The following SFRP1 variants were observed in gnomAD, a reference collection of about 807,000 sequenced individuals.
SFRP1 encodes the protein secreted frizzled-related protein 1.
In SFRP1, 9 loss-of-function variants were observed where a neutral mutation model predicts 25.9. The ratio of observed to expected loss-of-function variants is 0.35; its 90% CI spans 0.21 to 0.61. The LOEUF is 0.61. Ranked by LOEUF, SFRP1 falls within the 20% of genes least tolerant of loss-of-function variation. The pLI is 0.78. For synonymous variants in SFRP1, 178 were observed against 174.0 expected (o/e 1.02, Z -0.18); for missense variants, 346 against 418.2 (o/e 0.83, Z 1.51).
intron 2 of SFRP1, among the ~76,000 whole-genome samples, chr8:41,278,582 C>A (rs1449452902): frequency 6.6e-6 from 1 of 152,216 alleles, no homozygotes; most frequent in African/African-American, 2.4e-5. Context: ...ACAATGGGAA[C>A]ATCCCACCTC....
At position 41,263,557 on chromosome 8, in the gene SFRP1, T is replaced by C. The variant is rs1429074413; in HGVS notation, c.*1610A>G. On this transcript the variant is annotated 3_prime_UTR_variant, in exon 3 of 3. Coordinates refer to ENST00000220772, the MANE Select transcript of SFRP1 (RefSeq NM_003012.5). ...GCCTCACTGCAGCATCCTCACTGGG[T>C]ATAAGCATTGGCCCAGAGGGACAAT... 2 of 152,256 alleles carry C rather than the reference T, an allele frequency of 1.3e-5. No individual in the cohort carries two copies. The highest frequency in any genetic ancestry group is 2.4e-5 in the African/African-American group (1 of 41,472). The allele number at this position is 152,256 out of a possible 1,614,324, so 9.4% of individuals were successfully genotyped here. A position where few individuals can be genotyped will look rare whatever the true frequency, so the allele number is the denominator to read the frequency against.
chr8:41,285,769 G>A (rs1169075957), intron 2 of SFRP1, among the ~76,000 whole-genome samples: 1 of 152,192 alleles, frequency 6.6e-6, no homozygotes, highest in East Asian at 1.9e-4. Context: ...GGTGAGGCAG[G>A]GACCTAGGAC....
chr8:41,295,924 C>T (rs1349221931), intron 2 of SFRP1, among the ~76,000 whole-genome samples: 1 of 152,212 alleles, frequency 6.6e-6, no homozygotes, highest in African/African-American at 2.4e-5. Context: ...GGTTCACTTT[C>T]CTCATAACTC....
chr8:41,307,261 A>G (rs1804009669), intron 1 of SFRP1, among the ~76,000 whole-genome samples: 1 of 152,230 alleles, frequency 6.6e-6, no homozygotes, highest in Admixed American at 6.5e-5. Flanking sequence ...CTCTGAGAGC[A>G]GCGGTGCCCA....
At position 41,308,860 on chromosome 8, in the gene SFRP1, C is replaced by G. The variant is rs1804032676; in HGVS notation, c.300G>C (p.Leu100=). 1.2e-6 allele frequency: 2 copies of G among 1,610,174 alleles called. No individual in the cohort carries two copies. Among genetic ancestry groups the G allele is most frequent in the African/African-American group, 2.7e-5 (2 of 75,048 alleles). ...TGCCGGCGTGGCAGTTCTTGTTGAGCAGGGGCACCCAGCTGCTGGCCTGCT... is the reference window on the plus strand; with the variant it reads ...TGCCGGCGTGGCAGTTCTTGTTGAGGAGGGGCACCCAGCTGCTGGCCTGCT... ...VKQQASSWVP[L]LNKNCHAGTQ... Residue 100 remains leucine, a synonymous_variant, in exon 1 of 3, where the codon CTG becomes CTC. Coordinates refer to ENST00000220772, the MANE Select transcript of SFRP1 (RefSeq NM_003012.5).
chr8:41,269,964 C>T (rs553013135), intron 2 of SFRP1, among the ~76,000 whole-genome samples: 34 of 152,312 alleles, frequency 2.2e-4, no homozygotes, highest in Admixed American at 1.2e-3. Flanking sequence ...AACCAGGCAG[C>T]CCAGTGTCAA....
At chr8:41,282,604 A>G (rs1021554714) in intron 2 of SFRP1, among the ~76,000 whole-genome samples, 1 of 151,980 alleles carries the variant, frequency 6.6e-6, no homozygotes, top group Non-Finnish European at 1.5e-5. Context: ...AATTTTAAAT[A>G]AAATAAAAAT....
In SFRP1 at chr8:41,271,252, T is replaced by C. The variant is rs1803502270; in HGVS notation, c.623-5763A>G. 2 of 154,098 alleles carry C rather than the reference T, an allele frequency of 1.3e-5. 1 individual carries two copies. The highest frequency in any genetic ancestry group is 4.1e-4 in the South Asian group (2 of 4,908). 9.5% of individuals were successfully genotyped at this position (154,098 alleles called of 1,614,324 possible). The stretch of plus-strand genomic sequence containing the variant: ...TCCAACGTCATGTCTCGCTGTTAAA[T>C]TCAAATGGACAGTCAAGGGCTGGCA... On this transcript the variant is annotated intron_variant, in intron 2 of 2. Transcript: ENST00000220772.
intron 2 of SFRP1, among the ~76,000 whole-genome samples, chr8:41,268,872 G>A (rs559078834): frequency 8.5e-5 from 13 of 152,344 alleles, no homozygotes; most frequent in Middle Eastern, 3.4e-3. Flanking sequence ...GGGCCCCAGC[G>A]ATGTTGCCCA....
At chr8:41,296,377 T>C (rs1347765767) in intron 2 of SFRP1, among the ~76,000 whole-genome samples, 1 of 152,068 alleles carries the variant, frequency 6.6e-6, no homozygotes, top group Non-Finnish European at 1.5e-5. Context: ...CCTGAAAGAC[T>C]AAACAAAGAT....
At chr8:41,280,688 G>A (rs1211886581) in intron 2 of SFRP1, among the ~76,000 whole-genome samples, 1 of 152,184 alleles carries the variant, frequency 6.6e-6, no homozygotes, top group Admixed American at 6.5e-5. Flanking sequence ...CAAACAAAAA[G>A]CTTCCCTGTG....
chr8:41,295,425 A>T (rs543989099), intron 2 of SFRP1, among the ~76,000 whole-genome samples: 1 of 152,028 alleles, frequency 6.6e-6, no homozygotes, highest in African/African-American at 2.4e-5. Flanking sequence ...GGTACTCGGG[A>T]GGCCGAGGCA....
chr8:41,293,656 C>T (rs1803805082), intron 2 of SFRP1, among the ~76,000 whole-genome samples: 1 of 152,004 alleles, frequency 6.6e-6, no homozygotes, highest in East Asian at 1.9e-4. Flanking sequence ...GTCCTGAGTG[C>T]TAGAACTACG....
intron 2 of SFRP1, among the ~76,000 whole-genome samples, chr8:41,294,197 C>A (rs1318774918): frequency 6.6e-6 from 1 of 152,186 alleles, no homozygotes; most frequent in African/African-American, 2.4e-5. Context: ...GGAATGCGCT[C>A]TCTAGGCACC....
At chr8:41,275,940 G>T (rs1803566693) in intron 2 of SFRP1, among the ~76,000 whole-genome samples, 1 of 152,072 alleles carries the variant, frequency 6.6e-6, no homozygotes, top group African/African-American at 2.4e-5. Context: ...TAGAAACAGG[G>T]TCTTGGCATC....
At chr8:41,299,499 TAAAAAAAAAAAAAAA>T (rs576175856) in intron 2 of SFRP1, among the ~76,000 whole-genome samples, 9 of 56,060 alleles carry the variant, frequency 1.6e-4, no homozygotes, top group African/African-American at 7.7e-4. Flanking sequence ...TTCTCCTTTA[TAAAAAAAAAAAAAAA>T]AAAAAAAAAA....
At chr8:41,271,835 A>G (rs1053603831) in intron 2 of SFRP1, among the ~76,000 whole-genome samples, 1 of 151,738 alleles carries the variant, frequency 6.6e-6, no homozygotes, top group Admixed American at 6.6e-5. Flanking sequence ...ATGGTGGTGC[A>G]TGCCTGTAGT....
intron 2 of SFRP1, among the ~76,000 whole-genome samples, chr8:41,294,748 C>G (rs922062197): frequency 6.6e-6 from 1 of 152,098 alleles, no homozygotes; most frequent in Non-Finnish European, 1.5e-5. Flanking sequence ...AGACCAACAC[C>G]TTTTACATTC....
intron 2 of SFRP1, among the ~76,000 whole-genome samples, chr8:41,283,647 G>A (rs1323252761): frequency 6.9e-6 from 1 of 145,658 alleles, no homozygotes; most frequent in African/African-American, 2.6e-5. Flanking sequence ...GGCACAATCT[G>A]CCTCCCAGGT....
Sources: gnomAD v4.1 joint callset for allele counts (sites outside exome capture counted in the v4.1 genomes callset) on GRCh38, gnomAD v4.1.1 for gene constraint, MANE v1.5 for transcripts, NCBI Gene and HGNC (gene_info 2026-07-23, HGNC 2026-07-21) for gene names.